PHF21B: variants seen among roughly 807,000 people sequenced by gnomAD.
PHF21B encodes the protein PHD finger protein 21B.
A neutral mutation model predicts 62.2 loss-of-function variants in PHF21B; 22 were observed. The ratio of observed to expected loss-of-function variants is 0.35; its 90% CI spans 0.25 to 0.51. The LOEUF (loss-of-function observed/expected upper bound fraction) is 0.51. Ranked by LOEUF, PHF21B falls within the 20% of genes least tolerant of loss-of-function variation. The probability of loss-of-function intolerance (pLI) is 0.97; values close to 1 mark genes in which losing one functional copy is unlikely to be tolerated. For missense variants in PHF21B, 701 were observed against 707.9 expected, an observed-to-expected ratio of 0.99 and a Z score of 0.11; for synonymous variants, 341 against 314.7, an observed-to-expected ratio of 1.08 and a Z score of -0.88.
At chr22:44,959,524 C>T (rs534696856) in intron 2 of PHF21B, among the ~76,000 whole-genome samples, 9 of 152,202 alleles carry the variant, frequency 5.9e-5, no homozygotes, top group Admixed American at 3.9e-4. Flanking sequence ...GTTTCATTCA[C>T]ACCTGGCTGC....
intron 5 of PHF21B, among the ~76,000 whole-genome samples, chr22:44,899,424 G>A (rs1378369813): frequency 6.6e-6 from 1 of 151,580 alleles, no homozygotes; most frequent in Admixed American, 6.6e-5. Context: ...CCAAGTAGCT[G>A]GGATTATGGG....
In PHF21B at chr22:45,009,485, C is replaced by G. The variant is rs912880873; in HGVS notation, c.54+11G>C. On this transcript the variant is annotated intron_variant, in intron 1 of 12. Coordinates refer to ENST00000313237, the MANE Select transcript of PHF21B (RefSeq NM_138415.5). The surrounding 1 kb of genome is among the most constrained non-coding windows in gnomAD (Gnocchi z 5.9). ...ACTCCCCGGCCCCGGGCCCGGCCCC[C>G]GGCCACCTACCTGGTGGCGCGCGAG... 7.2e-6 allele frequency: 11 copies of G among 1,536,444 alleles called. No individual in the cohort carries two copies. Among genetic ancestry groups the G allele is most frequent in the Admixed American group, 5.9e-5 (3 of 51,148 alleles).
chr22:44,885,229 A>G (rs2070835040), intron 12 of PHF21B, among the ~76,000 whole-genome samples, 197 bp downstream of exon 12: 1 of 126,412 alleles, frequency 7.9e-6, no homozygotes, highest in Non-Finnish European at 1.8e-5. Context: ...GCACACCTGC[A>G]GGGCTGAGGC....
intron 2 of PHF21B, among the ~76,000 whole-genome samples, chr22:44,928,653 G>A (rs1039363935): frequency 3.3e-5 from 5 of 152,176 alleles, no homozygotes; most frequent in African/African-American, 1.2e-4. Flanking sequence ...CAAACGATCT[G>A]CCCACCTTGG....
chr22:44,942,535 A>G (rs1055007802), intron 2 of PHF21B, among the ~76,000 whole-genome samples: 1 of 152,174 alleles, frequency 6.6e-6, no homozygotes, highest in Non-Finnish European at 1.5e-5. Flanking sequence ...AGGTGGAGGA[A>G]GCCAGTCCAG....
At chr22:44,975,490 G>A (rs1181906931) in intron 2 of PHF21B, among the ~76,000 whole-genome samples, 1 of 152,204 alleles carries the variant, frequency 6.6e-6, no homozygotes, top group Non-Finnish European at 1.5e-5. Context: ...GTCCCCTCAT[G>A]AGTCGCAAGC....
rs1351941456 is a variant in PHF21B at position 44,884,530 on chromosome 22, CCAT to C, written c.1377+893_1377+895del. Among the ~76,000 whole-genome samples, 504 of 149,262 alleles carry C rather than the reference CCAT, an allele frequency of 3.4e-3. 10 individuals carry two copies. The highest frequency in any genetic ancestry group is 4.2e-3 in the Non-Finnish European group (284 of 67,314). ...ACCACCACCATCACTGTGATCAGCA[CCAT>C]CATCACCACCATCACCACAACCATG... On this transcript the variant is annotated intron_variant, in intron 12 of 12. Coordinates refer to ENST00000313237, the MANE Select transcript of PHF21B (RefSeq NM_138415.5).
chr22:45,001,583 A>G (rs1013035997), intron 2 of PHF21B, among the ~76,000 whole-genome samples: 32 of 152,334 alleles, frequency 2.1e-4, no homozygotes, highest in African/African-American at 7.0e-4. Flanking sequence ...GCTGTGGGCT[A>G]TATCAAGTGA....
intron 2 of PHF21B, among the ~76,000 whole-genome samples, chr22:44,945,482 G>A (rs886512972): frequency 6.6e-6 from 1 of 152,166 alleles, no homozygotes; most frequent in African/African-American, 2.4e-5. Context: ...AATCACCTGC[G>A]CTTGAGTGCA....
chr22:44,905,880 G>A (rs548772365), intron 5 of PHF21B, among the ~76,000 whole-genome samples: 48 of 152,202 alleles, frequency 3.2e-4, no homozygotes, highest in Non-Finnish European at 6.5e-4. Context: ...CGCCCACCTC[G>A]GCCTCCCGAA....
intron 5 of PHF21B, among the ~76,000 whole-genome samples, chr22:44,908,352 G>A (rs1218713856): frequency 2.6e-5 from 4 of 152,130 alleles, no homozygotes; most frequent in African/African-American, 4.8e-5. Flanking sequence ...GAGCATGGAC[G>A]GGCGGCAGCT....
At chr22:45,004,763 T>C (rs1212828029) in intron 2 of PHF21B, among the ~76,000 whole-genome samples, 1 of 152,156 alleles carries the variant, frequency 6.6e-6, no homozygotes, top group Non-Finnish European at 1.5e-5. Flanking sequence ...AGCTGGTAAG[T>C]CATGGTGAAG....
intron 2 of PHF21B, among the ~76,000 whole-genome samples, chr22:44,992,222 G>A (rs1278880998): frequency 6.6e-6 from 1 of 152,250 alleles, no homozygotes; most frequent in Non-Finnish European, 1.5e-5. Flanking sequence ...TGCCAGGGGA[G>A]GACCCTTGGA....
intron 10 of PHF21B, 74 bp downstream of exon 10, chr22:44,887,889 C>G (rs2070888049): frequency 3.7e-6 from 5 of 1,337,558 alleles, no homozygotes; most frequent in Non-Finnish European, 4.8e-6. Flanking sequence ...TTCACCCCTC[C>G]TCTGCCCTGT....
intron 5 of PHF21B, among the ~76,000 whole-genome samples, chr22:44,908,837 A>G (rs5766178): frequency 0.31 from 47,747 of 152,062 alleles, 8,867 homozygotes; most frequent in East Asian, 0.7. Flanking sequence ...TTGCTCTGTC[A>G]CCCAGGCTGG....
At chr22:44,943,942 CTCAG>C (rs1459826349) in intron 2 of PHF21B, among the ~76,000 whole-genome samples, 4 of 152,330 alleles carry the variant, frequency 2.6e-5, no homozygotes, top group East Asian at 1.9e-4. Flanking sequence ...ACAGTAGCTG[CTCAG>C]TCAAATGTCT....
At chr22:44,893,147 C>G (rs1257617929) in intron 7 of PHF21B, among the ~76,000 whole-genome samples, 1 of 152,026 alleles carries the variant, frequency 6.6e-6, no homozygotes, top group African/African-American at 2.4e-5. Flanking sequence ...TGCCTGTGAC[C>G]GGAGATTTGC....
At chr22:45,008,822 C>G in intron 1 of PHF21B, 1 of 1,183,824 alleles carries the variant, frequency 8.4e-7, no homozygotes, top group Non-Finnish European at 1.0e-6. Flanking sequence ...CGGGGCAGCT[C>G]GCGGGGCGGG....
intron 2 of PHF21B, among the ~76,000 whole-genome samples, chr22:44,941,069 G>T (rs929594014): frequency 6.6e-6 from 1 of 152,154 alleles, no homozygotes; most frequent in African/African-American, 2.4e-5. Context: ...ACCCCGCAGC[G>T]CCATGCAGTC....
Sources: allele counts gnomAD v4.1 joint callset (sites outside exome capture counted in the v4.1 genomes callset), GRCh38; gene constraint gnomAD v4.1.1; non-coding constraint Gnocchi (gnomAD v3.1); transcripts MANE v1.5; gene names NCBI Gene and HGNC (gene_info 2026-07-23, HGNC 2026-07-21).